MFHAS1: variants seen among roughly 807,000 people sequenced by gnomAD.
The protein encoded by MFHAS1 is malignant fibrous histiocytoma-amplified sequence 1.
In MFHAS1, 50 loss-of-function variants were observed where a neutral mutation model predicts 70.4. The observed-to-expected ratio is 0.71, with a 90% CI of 0.57 to 0.90. The LOEUF (loss-of-function observed/expected upper bound fraction) is 0.90. Ranked by LOEUF, MFHAS1 falls within the 40% of genes least tolerant of loss-of-function variation. The probability of loss-of-function intolerance (pLI) is 0.00; values close to 1 mark genes in which losing one functional copy is unlikely to be tolerated. For synonymous variants in MFHAS1, 952 were observed against 620.0 expected (o/e 1.54, Z -7.96); for missense variants, 1,795 against 1,347.6 (o/e 1.33, Z -5.20).
intron 1 of MFHAS1, among the ~76,000 whole-genome samples, chr8:8,852,364 C>G (rs1316573393): frequency 1.3e-5 from 2 of 152,062 alleles, no homozygotes; most frequent in African/African-American, 4.8e-5. Context: ...ATCCCAGCTA[C>G]TTGGGAGGCT....
chr8:8,884,065 CACACACACACACACACAAA>C, intron 1 of MFHAS1, among the ~76,000 whole-genome samples: 1 of 100,944 alleles, frequency 9.9e-6, no homozygotes, highest in African/African-American at 5.6e-5. Flanking sequence ...CACACACACA[CACACACACACACACACAAA>C]AAGAAAAAAA....
chr8:8,882,282 T>C (rs1229113106), intron 1 of MFHAS1, among the ~76,000 whole-genome samples: 1 of 150,980 alleles, frequency 6.6e-6, no homozygotes, highest in African/African-American at 2.4e-5. Flanking sequence ...CCCAGCTACG[T>C]GGGAGGCTGG....
At chr8:8,887,584 T>C (rs1809816472) in intron 1 of MFHAS1, among the ~76,000 whole-genome samples, 1 of 150,290 alleles carries the variant, frequency 6.7e-6, no homozygotes, top group African/African-American at 2.4e-5. Context: ...ATTATATGTA[T>C]ATGTATATAT....
At chr8:8,820,417 T>G (rs1806910047) in intron 1 of MFHAS1, among the ~76,000 whole-genome samples, 1 of 152,182 alleles carries the variant, frequency 6.6e-6, no homozygotes, top group Non-Finnish European at 1.5e-5. Flanking sequence ...TAAGCATAAC[T>G]GCAACATTCT....
At chr8:8,870,290 CAAAAAAAAAAAAAA>C (rs61229252) in intron 1 of MFHAS1, among the ~76,000 whole-genome samples, 1 of 113,110 alleles carries the variant, frequency 8.8e-6, no homozygotes. Context: ...CCTGTCTCTA[CAAAAAAAAAAAAAA>C]AAAAAAAAAA....
At chr8:8,876,182 G>T (rs1809286884) in intron 1 of MFHAS1, among the ~76,000 whole-genome samples, 1 of 152,144 alleles carries the variant, frequency 6.6e-6, no homozygotes, top group Non-Finnish European at 1.5e-5. Context: ...TAACTAAGAA[G>T]CAGTGGCACA....
chr8:8,796,465 C>T (rs953920522), intron 2 of MFHAS1, among the ~76,000 whole-genome samples: 2 of 152,032 alleles, frequency 1.3e-5, no homozygotes, highest in African/African-American at 4.8e-5. Context: ...GGGCGGATCC[C>T]GAGGTCAGGA....
At chr8:8,799,635 A>T (rs1003441198) in intron 1 of MFHAS1, among the ~76,000 whole-genome samples, 1 of 152,302 alleles carries the variant, frequency 6.6e-6, no homozygotes, top group Admixed American at 6.5e-5. Context: ...GGGCACCTGT[A>T]ATCTCAGGTA....
At chr8:8,796,156 T>C (rs570860472) in intron 2 of MFHAS1, among the ~76,000 whole-genome samples, 3 of 152,300 alleles carry the variant, frequency 2.0e-5, no homozygotes, top group East Asian at 3.9e-4. Flanking sequence ...TCTAGAATAG[T>C]AGTAACCCAA....
intron 1 of MFHAS1, among the ~76,000 whole-genome samples, chr8:8,844,802 T>C (rs1477960336): frequency 6.6e-6 from 1 of 152,204 alleles, no homozygotes; most frequent in Non-Finnish European, 1.5e-5. Context: ...TACCTGGCAC[T>C]ACTACTACAT....
chr8:8,824,882 G>A (rs1220427264), intron 1 of MFHAS1, among the ~76,000 whole-genome samples: 1 of 152,220 alleles, frequency 6.6e-6, no homozygotes. Context: ...CCTGGAGGAA[G>A]GCTGCGCTGG....
intron 2 of MFHAS1, among the ~76,000 whole-genome samples, chr8:8,788,749 G>A (rs935154847): frequency 2.0e-5 from 3 of 152,230 alleles, no homozygotes; most frequent in African/African-American, 7.2e-5. Flanking sequence ...GATGGTTACG[G>A]GAGGCTCCCC....
At chr8:8,806,654 G>T (rs10087950) in intron 1 of MFHAS1, among the ~76,000 whole-genome samples, 15,847 of 152,102 alleles carry the variant, frequency 0.1, 1,028 homozygotes, top group African/African-American at 0.18. Context: ...AGATTTCTCT[G>T]GAATTTCTAA....
At chr8:8,886,805 G>A (rs1478375679) in intron 1 of MFHAS1, among the ~76,000 whole-genome samples, 1 of 152,094 alleles carries the variant, frequency 6.6e-6, no homozygotes, top group Non-Finnish European at 1.5e-5. Context: ...AATTTTTAAT[G>A]TCCCCAGAAG....
At chr8:8,810,059 A>T (rs531852739) in intron 1 of MFHAS1, among the ~76,000 whole-genome samples, 44 of 152,320 alleles carry the variant, frequency 2.9e-4, no homozygotes, top group African/African-American at 8.2e-4. Context: ...GAATCATGTG[A>T]AGTCCTTAAT....
chr8:8,797,097 G>C (rs1209070456), intron 2 of MFHAS1, among the ~76,000 whole-genome samples: 1 of 149,606 alleles, frequency 6.7e-6, no homozygotes, highest in Non-Finnish European at 1.5e-5. Flanking sequence ...TGTGGTATGT[G>C]AATGACATCT....
chr8:8,834,770 C>G (rs1263121977), intron 1 of MFHAS1, among the ~76,000 whole-genome samples: 1 of 152,114 alleles, frequency 6.6e-6, no homozygotes, highest in Admixed American at 6.5e-5. Flanking sequence ...AATAAACCTC[C>G]AAAACATTAT....
chr8:8,892,475 G>A lies in MFHAS1; in HGVS notation c.584C>T (p.Ala195Val), dbSNP rs370850957. 8.7e-6 allele frequency: 14 copies of A among 1,607,554 alleles called. No homozygotes were observed. In the African/African-American group the frequency reaches 1.7e-4, roughly 20 times the overall value. The change falls in exon 1 of 3, where the codon GCC becomes GTC. Residue 195 changes from alanine to valine, a missense_variant. Ala to Val is a moderately conservative substitution (Grantham distance 64). Transcript: ENST00000276282. The surrounding 1 kb of genome is among the most constrained non-coding windows in gnomAD (Gnocchi z 4.7). The stretch of plus-strand genomic sequence containing the variant: ...CAGCTGCAGCAGCTGCCGGGGGAAG[G>A]CAGTGAGCTGGTTGTGATCCACGTC... Reference protein sequence around the residue: ...TLDVDHNQLTAFPRQLLQLVA... With the variant: ...TLDVDHNQLTVFPRQLLQLVA...
chr8:8,883,360 C>G (rs538176574), intron 1 of MFHAS1, among the ~76,000 whole-genome samples: 3 of 152,030 alleles, frequency 2.0e-5, no homozygotes, highest in Non-Finnish European at 4.4e-5. Flanking sequence ...AAAACAAAAT[C>G]AGCAGGCATT....
Sources: gnomAD v4.1 joint callset for allele counts (sites outside exome capture counted in the v4.1 genomes callset) on GRCh38, gnomAD v4.1.1 for gene constraint, Gnocchi (gnomAD v3.1) non-coding constraint, MANE v1.5 for transcripts, NCBI Gene and HGNC (gene_info 2026-07-23, HGNC 2026-07-21) for gene names.